NID1: variants seen among roughly 807,000 people sequenced by gnomAD.
The protein encoded by NID1 is nidogen 1.
A neutral mutation model predicts 130.6 loss-of-function variants in NID1; 76 were observed. The observed-to-expected ratio is 0.58, with a 90% CI of 0.48 to 0.70. The LOEUF (loss-of-function observed/expected upper bound fraction) is 0.70, where lower values mean the gene tolerates loss of function less well. Among genes scored for constraint, NID1 ranks in the 30% least tolerant of loss-of-function variants. The pLI is 0.00. For synonymous variants in NID1, 665 were observed against 675.1 expected, an observed-to-expected ratio of 0.98 and a Z score of 0.23; for missense variants, 1,517 against 1,664.8, an observed-to-expected ratio of 0.91 and a Z score of 1.54.
chr1:236,033,043 C>T (rs1012217421), intron 5 of NID1, among the ~76,000 whole-genome samples: 1 of 152,188 alleles, frequency 6.6e-6, no homozygotes, highest in Non-Finnish European at 1.5e-5. Flanking sequence ...CATGGTGGCT[C>T]ATGCCTGTAA....
chr1:235,996,633 G>A (rs562248599), intron 12 of NID1, among the ~76,000 whole-genome samples: 1 of 152,144 alleles, frequency 6.6e-6, no homozygotes, highest in Admixed American at 6.5e-5. Context: ...AGTAGAGGTG[G>A]TGTCTCACTA....
intron 12 of NID1, among the ~76,000 whole-genome samples, chr1:236,004,489 G>A (rs905143666): frequency 3.3e-5 from 5 of 152,104 alleles, no homozygotes; most frequent in Non-Finnish European, 5.9e-5. Context: ...TAAGCCAGGC[G>A]CGGTGGCTCA....
chr1:236,002,035 G>A (rs562027577), intron 12 of NID1, among the ~76,000 whole-genome samples: 40 of 152,352 alleles, frequency 2.6e-4, no homozygotes, highest in African/African-American at 8.4e-4. Context: ...TCAGCCAGGC[G>A]CCCTGCAAGG....
rs199548740 is a variant in NID1 at position 236,048,640 on chromosome 1, T to C, written c.525+50A>G. On this transcript the variant is annotated intron_variant, in intron 2 of 19. Coordinates refer to ENST00000264187, the MANE Select transcript of NID1 (RefSeq NM_002508.3). ...GCACAAGGCGTGAGACCAAAGTGTA[T>C]GAAGCCAATGTGTCTGATTACCTGC... 137 of 1,578,998 alleles carry C rather than the reference T, an allele frequency of 8.7e-5. 1 individual carries two copies. In the African/African-American group the frequency reaches 1.7e-3, roughly 19 times the overall value.
rs539085777 is a variant in NID1 at position 236,048,170 on chromosome 1, A to C, written c.525+520T>G. 6.6e-5 allele frequency among the ~76,000 whole-genome samples: 10 copies of C among 150,950 alleles called. No homozygotes were observed. The South Asian group carries it at 2.1e-3, about 32-fold the overall frequency. ...AACATGGTGAAACCCTGTCTCTACT[A>C]AAAATACAAAAAAAACCAGCCGGGC... is the stretch of plus-strand genomic sequence containing the variant. On this transcript the variant is annotated intron_variant, in intron 2 of 19. Coordinates refer to ENST00000264187, the MANE Select transcript of NID1 (RefSeq NM_002508.3).
Position 236,042,104 on chromosome 1 carries a change from G to T in NID1, c.941C>A (p.Ser314Tyr). The change falls in exon 4 of 20, where the codon TCC (serine) becomes TAC (tyrosine). Residue 314 changes from serine (S) to tyrosine (Y), a missense_variant. By Grantham distance (144) the Ser-to-Tyr change is moderately radical. Transcript: ENST00000264187. ...GLEDVGTTPF[S>Y]YKALRRGGAD... ...ACCTCCCCTTCTCAGAGCCTTGTAG[G>T]AGAAGGGCGTGGTGCCCACATCCTC... 1 of 1,614,168 alleles carries T rather than the reference G, an allele frequency of 6.2e-7. No homozygotes were observed. Among genetic ancestry groups the T allele is most frequent in the Non-Finnish European group, 8.5e-7 (1 of 1,180,040 alleles).
chr1:236,052,687 G>A (rs1402793549), intron 1 of NID1, among the ~76,000 whole-genome samples: 1 of 152,186 alleles, frequency 6.6e-6, no homozygotes, highest in African/African-American at 2.4e-5. Flanking sequence ...TTTTCTCTGA[G>A]TACTCTGGTT....
chr1:236,047,053 A>G (rs911274), intron 2 of NID1, among the ~76,000 whole-genome samples: 79,842 of 152,078 alleles, frequency 0.53, 22,303 homozygotes, highest in African/African-American at 0.71. Context: ...GGAGATTGCA[A>G]TGAGCCAAGA....
chr1:236,049,605 A>G (rs1314368995), intron 1 of NID1, among the ~76,000 whole-genome samples: 2 of 152,234 alleles, frequency 1.3e-5, no homozygotes, highest in African/African-American at 4.8e-5. Context: ...TAGCATCAAG[A>G]AGCAAATCTG....
intron 14 of NID1, among the ~76,000 whole-genome samples, chr1:235,987,445 T>G (rs1030580826): frequency 6.6e-6 from 1 of 152,194 alleles, no homozygotes; most frequent in Non-Finnish European, 1.5e-5. Flanking sequence ...ACACAGGACC[T>G]CTCTGTATAC....
chr1:236,042,394 C>A (rs1659480054), intron 3 of NID1, 102 bp from the exon 4 acceptor site: 2 of 1,420,584 alleles, frequency 1.4e-6, no homozygotes, highest in Non-Finnish European at 1.9e-6. Context: ...GGTCTGCAAG[C>A]CATCACCTGC....
chr1:236,041,880 C>T (rs373777472), intron 4 of NID1, 30 bp downstream of exon 4: 36 of 1,576,624 alleles, frequency 2.3e-5, no homozygotes, highest in Non-Finnish European at 3.1e-5. Flanking sequence ...CATCCAAGAT[C>T]GTTACCAACT....
At chr1:235,980,328 TG>T (rs1558419250) in intron 17 of NID1, among the ~76,000 whole-genome samples, 167 bp downstream of exon 17, 1 of 152,208 alleles carries the variant, frequency 6.6e-6, no homozygotes, top group African/African-American at 2.4e-5. Flanking sequence ...TATACAATTT[TG>T]TACCAGTATA....
chr1:236,026,770 G>T (rs1334372480), intron 7 of NID1, among the ~76,000 whole-genome samples: 2 of 139,648 alleles, frequency 1.4e-5, no homozygotes, highest in Admixed American at 7.6e-5. Flanking sequence ...ACAGAGTCTC[G>T]CCTTGTCACC....
intron 14 of NID1, among the ~76,000 whole-genome samples, chr1:235,987,757 G>C (rs1266376790): frequency 6.6e-6 from 1 of 152,064 alleles, no homozygotes; most frequent in Admixed American, 6.5e-5. Context: ...AGGAGGGAGG[G>C]TCTCAGGACC....
chr1:236,016,625 A>T (rs979007922), intron 10 of NID1, among the ~76,000 whole-genome samples: 3 of 152,224 alleles, frequency 2.0e-5, no homozygotes, highest in Non-Finnish European at 4.4e-5. Context: ...TAACCTAATT[A>T]ATAGCCGCAA....
At chr1:236,020,050 A>AC (rs1658714170) in intron 9 of NID1, among the ~76,000 whole-genome samples, 1 of 136,842 alleles carries the variant, frequency 7.3e-6, no homozygotes, top group African/African-American at 2.6e-5. Flanking sequence ...AAAAAAAAAA[A>AC]AAAAAAAACA....
intron 9 of NID1, among the ~76,000 whole-genome samples, chr1:236,022,323 C>T (rs981684059): frequency 3.9e-4 from 57 of 144,734 alleles, no homozygotes; most frequent in Non-Finnish European, 5.3e-4. Flanking sequence ...AAACTCACAC[C>T]CATTAGGATG....
chr1:236,059,146 A>G (rs1323216700), intron 1 of NID1, among the ~76,000 whole-genome samples: 1 of 152,216 alleles, frequency 6.6e-6, no homozygotes, highest in East Asian at 1.9e-4. Context: ...AACGGAACAC[A>G]CATTTGCTGG....
Sources: allele counts gnomAD v4.1 joint callset (sites outside exome capture counted in the v4.1 genomes callset), GRCh38; gene constraint gnomAD v4.1.1; transcripts MANE v1.5; gene names NCBI Gene and HGNC (gene_info 2026-07-23, HGNC 2026-07-21).